ERLEC1: variants seen among roughly 807,000 people sequenced by gnomAD.
The protein encoded by ERLEC1 is ER lectin.
A neutral mutation model predicts 68.0 loss-of-function variants in ERLEC1; 47 were observed. That is an observed-to-expected ratio of 0.69 (90% CI 0.55 to 0.88). The LOEUF (loss-of-function observed/expected upper bound fraction) is 0.88, where lower values mean the gene tolerates loss of function less well. Ranked by LOEUF, ERLEC1 falls within the 40% of genes least tolerant of loss-of-function variation. The pLI is 0.00. For missense variants in ERLEC1, 567 were observed against 583.8 expected, an observed-to-expected ratio of 0.97 and a Z score of 0.30; for synonymous variants, 225 against 203.2, an observed-to-expected ratio of 1.11 and a Z score of -0.91.
At position 53,787,137 on chromosome 2, in the gene ERLEC1, A is replaced by T. The variant is rs1392375825; in HGVS notation, c.-74A>T. 6.9e-6 allele frequency: 7 copies of T among 1,021,786 alleles called. No individual in the cohort carries two copies. The highest frequency in any genetic ancestry group is 9.1e-6 in the Non-Finnish European group (7 of 770,674). 63.3% of individuals were successfully genotyped at this position (1,021,786 alleles called of 1,614,324 possible). The stretch of plus-strand genomic sequence containing the variant: ...TTATAGTCCCGCCGCCTCCTCCTCC[A>T]CCTCCTCCTCCTCCTCCTCTCCTCC... On this transcript the variant is annotated 5_prime_UTR_variant, in exon 1 of 14. Transcript: ENST00000185150.
intron 13 of ERLEC1, among the ~76,000 whole-genome samples, chr2:53,816,898 C>T (rs1447412579): frequency 6.6e-6 from 1 of 152,024 alleles, no homozygotes; most frequent in Non-Finnish European, 1.5e-5. Flanking sequence ...TTCTTTTTCT[C>T]CTCTATTTCT....
At chr2:53,811,495 C>T (rs1676589362) in intron 10 of ERLEC1, among the ~76,000 whole-genome samples, 1 of 149,236 alleles carries the variant, frequency 6.7e-6, no homozygotes, top group East Asian at 1.9e-4. Context: ...GGTTGCATAA[C>T]CTGGAACTTT....
chr2:53,806,404 A>T (rs1676297059), intron 8 of ERLEC1, among the ~76,000 whole-genome samples: 1 of 152,100 alleles, frequency 6.6e-6, no homozygotes, highest in South Asian at 2.1e-4. Context: ...TTCTTCATTA[A>T]CCTTAATAGA....
At chr2:53,814,801 T>C in intron 12 of ERLEC1, 59 bp from the exon 13 acceptor site, 3 of 1,304,488 alleles carry the variant, frequency 2.3e-6, no homozygotes, top group East Asian at 4.6e-5. Context: ...AGTACAGTTA[T>C]TAACAGTGAT....
chr2:53,814,526 GT>G lies in ERLEC1; in HGVS notation c.1227-16del, dbSNP rs1428491502. The stretch of plus-strand genomic sequence containing the variant: ...GAGATTTTAGTTTAATAAAACTTGT[GT>G]GTTTCTCTGATTCAGGATGGTGTCA... On this transcript the variant is annotated splice_polypyrimidine_tract_variant and intron_variant, in intron 11 of 13. Transcript: ENST00000185150. 1 of 1,592,204 alleles carries G rather than the reference GT, an allele frequency of 6.3e-7. No homozygotes were observed. The highest frequency in any genetic ancestry group is 8.6e-7 in the Non-Finnish European group (1 of 1,162,288).
At chr2:53,801,097 A>G (rs532348319) in intron 6 of ERLEC1, among the ~76,000 whole-genome samples, 73 of 152,190 alleles carry the variant, frequency 4.8e-4, no homozygotes, top group African/African-American at 1.8e-3. Context: ...GTTGAGAATA[A>G]TTCATATTAA....
In ERLEC1 at chr2:53,787,396, A is replaced by C. The variant is rs200689920; in HGVS notation, c.162+24A>C. 400 of 1,592,830 alleles carry C rather than the reference A, an allele frequency of 2.5e-4. 1 individual carries two copies. The East Asian group carries it at 8.8e-3, about 35-fold the overall frequency. On this transcript the variant is annotated intron_variant, in intron 1 of 13. Coordinates refer to ENST00000185150, the MANE Select transcript of ERLEC1 (RefSeq NM_015701.5). ...TGGTCAGTGCCCTCACTAACCCCGC[A>C]GCCACCCCTCCTCCTGACACTAAGG...
Position 53,795,955 on chromosome 2 carries a change from G to C in ERLEC1, c.290G>C (p.Gly97Ala), listed in dbSNP as rs758810576. The change falls in exon 3 of 14, where the codon GGC becomes GCC. Residue 97 changes from glycine to alanine, a missense_variant. Gly to Ala is a moderately conservative substitution (Grantham distance 60, BLOSUM62 0). Transcript: ENST00000185150. ...TAGGAAGAAGAAAAGGATTATAAAG[G>C]CCCTAATCCAAGAGAGCTTTTGGAG... ...GDEEEEKDYK[G>A]PNPRELLEPL... 1.9e-6 allele frequency: 3 copies of C among 1,601,498 alleles called. No individual in the cohort carries two copies. In the African/African-American group the frequency reaches 4.1e-5, roughly 22 times the overall value.
intron 8 of ERLEC1, among the ~76,000 whole-genome samples, chr2:53,804,614 A>T (rs1676180498): frequency 6.6e-6 from 1 of 152,154 alleles, no homozygotes; most frequent in Non-Finnish European, 1.5e-5. Context: ...TGCAGTGCAT[A>T]ATAATCACAT....
At chr2:53,805,331 T>C (rs1676232895) in intron 8 of ERLEC1, among the ~76,000 whole-genome samples, 1 of 152,082 alleles carries the variant, frequency 6.6e-6, no homozygotes, top group South Asian at 2.1e-4. Flanking sequence ...TACAGGATCT[T>C]ATTCTTATTT....
intron 1 of ERLEC1, among the ~76,000 whole-genome samples, chr2:53,791,778 G>A (rs80075923): frequency 0.017 from 2,580 of 152,064 alleles, 79 homozygotes; most frequent in African/African-American, 0.059. Flanking sequence ...AATTACAAAT[G>A]TTATGTCTCA....
At chr2:53,803,321 A>C (rs555306874) in intron 8 of ERLEC1, among the ~76,000 whole-genome samples, 1 of 152,058 alleles carries the variant, frequency 6.6e-6, no homozygotes, top group Non-Finnish European at 1.5e-5. Flanking sequence ...ATGCTATATT[A>C]AAAGATTTGG....
chr2:53,815,254 C>T (rs1243655656), intron 13 of ERLEC1, among the ~76,000 whole-genome samples: 3 of 152,060 alleles, frequency 2.0e-5, no homozygotes, highest in Admixed American at 6.6e-5. Context: ...GATCCACCCA[C>T]CTCAGCCTCC....
intron 13 of ERLEC1, among the ~76,000 whole-genome samples, chr2:53,817,468 C>T (rs1204030786): frequency 6.6e-6 from 1 of 152,114 alleles, no homozygotes; most frequent in African/African-American, 2.4e-5. Context: ...CTGAAATTTC[C>T]TATCTGGTCA....
Position 53,801,762 on chromosome 2 carries a change from T to A in ERLEC1, c.799T>A (p.Ser267Thr). The A allele has an allele frequency of 3.1e-6, 5 of 1,613,996 alleles. No individual in the cohort carries two copies. Among genetic ancestry groups the A allele is most frequent in the Non-Finnish European group, 4.2e-6 (5 of 1,179,912 alleles). Residue 267 changes from serine (S) to threonine (T), a missense_variant, in exon 8 of 14, where the codon TCT (serine) becomes ACT (threonine). Ser to Thr is a moderately conservative substitution (Grantham distance 58, BLOSUM62 1). Transcript: ENST00000185150. Reference protein sequence around the residue: ...NDIFCQSLPGSPFKPLTLRQL... With the variant: ...NDIFCQSLPGTPFKPLTLRQL... ...CATATTTTGTCAATCACTGCCAGGA[T>A]CTCCATTTAAGCCCCTCACCCTGAG...
chr2:53,790,851 C>G (rs888338552), intron 1 of ERLEC1, among the ~76,000 whole-genome samples: 3 of 152,174 alleles, frequency 2.0e-5, no homozygotes, highest in African/African-American at 7.2e-5. Flanking sequence ...ATGTTTAGCA[C>G]TCAGTTTTGT....
chr2:53,789,480 C>T (rs983388544), intron 1 of ERLEC1, among the ~76,000 whole-genome samples: 1 of 151,868 alleles, frequency 6.6e-6, no homozygotes, highest in Non-Finnish European at 1.5e-5. Flanking sequence ...ACTACAGCCT[C>T]AAACTCCTGG....
At chr2:53,798,982 A>G in intron 5 of ERLEC1, 65 bp from the exon 6 acceptor site, 1 of 1,443,588 alleles carries the variant, frequency 6.9e-7, no homozygotes, top group Non-Finnish European at 9.6e-7. Flanking sequence ...AGGTGGTTGA[A>G]AACTTACTCA....
chr2:53,800,519 A>T (rs984176900), intron 6 of ERLEC1, among the ~76,000 whole-genome samples: 30 of 152,250 alleles, frequency 2.0e-4, no homozygotes, highest in Non-Finnish European at 2.9e-4. Context: ...TCACATACAT[A>T]TAAGGAAATC....
Sources: gnomAD v4.1 joint callset for allele counts (sites outside exome capture counted in the v4.1 genomes callset) on GRCh38, gnomAD v4.1.1 for gene constraint, MANE v1.5 for transcripts, NCBI Gene and HGNC (gene_info 2026-07-23, HGNC 2026-07-21) for gene names.